Variants in STRIP1 observed in about 807,000 individuals in gnomAD.
STRIP1 encodes striatin interacting protein 1, also known as striatin-interacting protein 1.
A neutral mutation model predicts 106.2 loss-of-function variants in STRIP1; 63 were observed. The observed-to-expected ratio is 0.59, with a 90% CI of 0.48 to 0.73. The LOEUF (loss-of-function observed/expected upper bound fraction) is 0.73, where lower values mean the gene tolerates loss of function less well. Ranked by LOEUF, STRIP1 falls within the 30% of genes least tolerant of loss-of-function variation. STRIP1 has a pLI of 0.00. For synonymous variants in STRIP1, 390 were observed against 413.0 expected (o/e 0.94, Z 0.67); for missense variants, 857 against 1,074.8 (o/e 0.80, Z 2.83).
chr1:110,039,637 G>A, intron 5 of STRIP1, 122 bp downstream of exon 5: 6 of 1,239,226 alleles, frequency 4.8e-6, no homozygotes, highest in Non-Finnish European at 6.8e-6. Context: ...CCCAGGCTGT[G>A]TTCTGACCAC....
Position 110,046,762 on chromosome 1 carries a change from G to A in STRIP1, c.1488+11G>A. ...TCCCCTCTCTCAGGGGTAAGTTGGAGGTCCTCAGTCCGGGCGCGGTGGCTC... is the reference window on the plus strand; with the variant it reads ...TCCCCTCTCTCAGGGGTAAGTTGGAAGTCCTCAGTCCGGGCGCGGTGGCTC... On this transcript the variant is annotated intron_variant, in intron 13 of 20. Transcript: ENST00000369795. 1 of 1,608,556 alleles carries A rather than the reference G, an allele frequency of 6.2e-7. No individual in the cohort carries two copies. The highest frequency in any genetic ancestry group is 8.5e-7 in the Non-Finnish European group (1 of 1,175,998).
intron 1 of STRIP1, among the ~76,000 whole-genome samples, chr1:110,035,525 C>G (rs908093123): frequency 2.0e-5 from 3 of 152,120 alleles, no homozygotes; most frequent in African/African-American, 4.8e-5. Context: ...GTGAGCCGTT[C>G]CTGCCGTTCT....
At position 110,037,991 on chromosome 1, in the gene STRIP1, G is replaced by A. The variant is rs202208185; in HGVS notation, c.250+31G>A. ...GCACAGACCTTTGTGTTATTTGGGG[G>A]TGGTTTTTTCCTTATTGGTCTTTAA... is the stretch of plus-strand genomic sequence containing the variant. On this transcript the variant is annotated intron_variant, in intron 2 of 20. Transcript: ENST00000369795. 7 of 1,526,240 alleles carry A rather than the reference G, an allele frequency of 4.6e-6. No individual in the cohort carries two copies. In the East Asian group the frequency reaches 1.4e-4, roughly 30 times the overall value. The allele number at this position is 1,526,240 out of a possible 1,614,324, so 94.5% of individuals were successfully genotyped here.
At position 110,046,160 on chromosome 1, in the gene STRIP1, C is replaced by T. The variant is rs138735889; in HGVS notation, c.1417-520C>T. Among the ~76,000 whole-genome samples, 37 of 152,230 alleles carry T rather than the reference C, an allele frequency of 2.4e-4. No homozygotes were observed. The East Asian group carries it at 6.6e-3, about 27-fold the overall frequency. On this transcript the variant is annotated intron_variant, in intron 12 of 20. Coordinates refer to ENST00000369795, the MANE Select transcript of STRIP1 (RefSeq NM_033088.4). ...CTTTAATTTACTTTTTTCTTATCTA[C>T]CATGGGCTTCTTACTGTAGTTGCAA...
In STRIP1 at chr1:110,047,443, C is replaced by T. The variant is rs182710457; in HGVS notation, c.1489-99C>T. On this transcript the variant is annotated intron_variant, in intron 13 of 20. Coordinates refer to ENST00000369795, the MANE Select transcript of STRIP1 (RefSeq NM_033088.4). ...TTATCATCATTAACATCATTATGTACATCACTGTTTACAGGTTTTCCTCCA... is the reference window on the plus strand; with the variant it reads ...TTATCATCATTAACATCATTATGTATATCACTGTTTACAGGTTTTCCTCCA... 11 of 850,520 alleles carry T rather than the reference C, an allele frequency of 1.3e-5. No individual in the cohort carries two copies. The African/African-American group carries it at 1.7e-4, about 13-fold the overall frequency. The allele number at this position is 850,520 out of a possible 1,614,324, so 52.7% of individuals were successfully genotyped here. A position where few individuals can be genotyped will look rare whatever the true frequency, so the allele number is the denominator to read the frequency against.
Position 110,050,997 on chromosome 1 carries a change from T to C in STRIP1, c.1998T>C (p.Phe666=), listed in dbSNP as rs779094858. 1 of 1,613,920 alleles carries C rather than the reference T, an allele frequency of 6.2e-7. No individual in the cohort carries two copies. Among genetic ancestry groups the C allele is most frequent in the African/African-American group, 1.3e-5 (1 of 74,938 alleles). The change falls in exon 19 of 21, where the codon TTT becomes TTC. Residue 666 remains phenylalanine, a synonymous_variant. Transcript: ENST00000369795. The part of the protein sequence containing the change: ...DSNQFCWRNL[F]SCINLLRILN... ...ACCAATTTTGCTGGAGGAACCTCTT[T>C]TCTTGTATCAATCTGCTTCGGATCT...
At chr1:110,047,007 G>T (rs908482743) in intron 13 of STRIP1, among the ~76,000 whole-genome samples, 1 of 152,080 alleles carries the variant, frequency 6.6e-6, no homozygotes, top group Admixed American at 6.5e-5. Flanking sequence ...CCGAGATAGC[G>T]CCACTGCACT....
intron 12 of STRIP1, chr1:110,045,279 A>T (rs76101357): frequency 8.8e-6 from 5 of 566,778 alleles, no homozygotes; most frequent in Non-Finnish European, 1.3e-5. Flanking sequence ...GTTTTAGCTG[A>T]GCTTTTGTTT....
rs150890431 is a variant in STRIP1 at position 110,052,583 on chromosome 1, C to G, written c.2266+696C>G. ...CCCCCAGGTTTAAGCGATTCTCCCC[C>G]CTCAGCCTCCCAAGTAGCTGGGACT... is the stretch of plus-strand genomic sequence containing the variant. On this transcript the variant is annotated intron_variant, in intron 20 of 20. Transcript: ENST00000369795. Among the ~76,000 whole-genome samples, 259 of 152,258 alleles carry G rather than the reference C, an allele frequency of 1.7e-3. 3 individuals carry two copies. The East Asian group carries it at 0.043, about 25-fold the overall frequency.
At position 110,039,196 on chromosome 1, in the gene STRIP1, T is replaced by C. The variant is rs143256444; in HGVS notation, c.350T>C (p.Leu117Pro). ...IHVTDKKWTE[L>P]DTNQHRTHAM... ...GTGACAGACAAGAAGTGGACTGAGCTGGATACCAACCAGCACCGGACCCAT... is the reference window on the plus strand; with the variant it reads ...GTGACAGACAAGAAGTGGACTGAGCCGGATACCAACCAGCACCGGACCCAT... Residue 117 changes from leucine (L) to proline (P), a missense_variant, in exon 4 of 21, where the codon CTG (leucine) becomes CCG (proline). Transcript: ENST00000369795. 5.6e-6 allele frequency: 9 copies of C among 1,614,180 alleles called. No homozygotes were observed. The highest frequency in any genetic ancestry group is 6.8e-6 in the Non-Finnish European group (8 of 1,180,024).
At chr1:110,051,973 C>A (rs1046666144) in intron 20 of STRIP1, 86 bp downstream of exon 20, 4 of 1,376,972 alleles carry the variant, frequency 2.9e-6, no homozygotes, top group East Asian at 2.4e-5. Flanking sequence ...TACTCAGGTA[C>A]TTCTCTGCCC....
rs142869318 is a variant in STRIP1 at position 110,049,333 on chromosome 1, C to T, written c.1788+95C>T. On this transcript the variant is annotated intron_variant, in intron 16 of 20. Coordinates refer to ENST00000369795, the MANE Select transcript of STRIP1 (RefSeq NM_033088.4). ...AGAACGGGGGCCTTGGCCTTTGACC[C>T]ACTTGAACTCTGCATGAATGTTCTA... 361 of 1,583,200 alleles carry T rather than the reference C, an allele frequency of 2.3e-4. No homozygotes were observed. The East Asian group carries it at 7.7e-3, about 34-fold the overall frequency.
rs1242126009 is a variant in STRIP1 at position 110,042,985 on chromosome 1, A to G, written c.886-103A>G. 2.5e-6 allele frequency: 3 copies of G among 1,181,806 alleles called. No homozygotes were observed. In the East Asian group the frequency reaches 7.7e-5, roughly 30 times the overall value. The allele number at this position is 1,181,806 out of a possible 1,614,324, so 73.2% of individuals were successfully genotyped here. A position where few individuals can be genotyped will look rare whatever the true frequency, so the allele number is the denominator to read the frequency against. The stretch of plus-strand genomic sequence containing the variant: ...AGGAGTTGCCTGGGTCTCTATAAAG[A>G]CATGGGTCATGATGTCATGAATGTT... On this transcript the variant is annotated intron_variant, in intron 8 of 20. Coordinates refer to ENST00000369795, the MANE Select transcript of STRIP1 (RefSeq NM_033088.4).
intron 1 of STRIP1, among the ~76,000 whole-genome samples, chr1:110,036,152 C>T (rs1184749316): frequency 4.6e-5 from 7 of 152,142 alleles, no homozygotes; most frequent in Admixed American, 6.5e-5. Context: ...CTCTTTGTAC[C>T]CTTTAATTTC....
In STRIP1 at chr1:110,047,879, A is replaced by T. The variant is rs1317556561; in HGVS notation, c.1661+10A>T. Reference sequence around the variant, plus strand: ...TGCCTGAGGAGATGCCGTGAGTATCATTCTGTGAATGAAGCAGGTGGGGCA... The same window carrying T: ...TGCCTGAGGAGATGCCGTGAGTATCTTTCTGTGAATGAAGCAGGTGGGGCA... On this transcript the variant is annotated intron_variant, in intron 15 of 20. Transcript: ENST00000369795. 2 of 1,549,750 alleles carry T rather than the reference A, an allele frequency of 1.3e-6. No homozygotes were observed. Among genetic ancestry groups the T allele is most frequent in the Admixed American group, 2.0e-5 (1 of 51,214 alleles).
At chr1:110,042,578 G>C (rs1313593429) in intron 8 of STRIP1, among the ~76,000 whole-genome samples, 1 of 152,264 alleles carries the variant, frequency 6.6e-6, no homozygotes, top group Non-Finnish European at 1.5e-5. Flanking sequence ...GCTAAGGCTA[G>C]AGAGGAAAGC....
Position 110,045,087 on chromosome 1 carries a change from C to CT in STRIP1, c.1416+12dup. 1 of 1,613,756 alleles carries CT rather than the reference C, an allele frequency of 6.2e-7. No individual in the cohort carries two copies. Among genetic ancestry groups the CT allele is most frequent in the East Asian group, 2.2e-5 (1 of 44,888 alleles). On this transcript the variant is annotated intron_variant, in intron 12 of 20. Coordinates refer to ENST00000369795, the MANE Select transcript of STRIP1 (RefSeq NM_033088.4). ...TCAAGACTCTGAAACAGGTGAGTGG[C>CT]TTTGGGTGAGCTTTTGGCTTGTTTG...
rs142485792 is a variant in STRIP1 at position 110,053,815 on chromosome 1, G to A, written c.2417G>A (p.Arg806Gln). Residue 806 changes from arginine to glutamine, a missense_variant, in exon 21 of 21, where the codon CGG becomes CAG. Around this residue, in one of 2 missense-constraint regions of STRIP1, gnomAD observed 750 missense variants for 989.8 expected, o/e 0.76. Coordinates refer to ENST00000369795, the MANE Select transcript of STRIP1 (RefSeq NM_033088.4). ...TGCCTGCAGAGTGTCCTGGGCCAACGGGTGGACCTCCCTGAGGACTTTCAG... is the reference window on the plus strand; with the variant it reads ...TGCCTGCAGAGTGTCCTGGGCCAACAGGTGGACCTCCCTGAGGACTTTCAG... ...DNCLQSVLGQ[R>Q]VDLPEDFQMN... is the part of the protein sequence containing the mutation. 8.7e-6 allele frequency: 14 copies of A among 1,614,160 alleles called. No individual in the cohort carries two copies. In the East Asian group the frequency reaches 1.1e-4, roughly 13 times the overall value.
chr1:110,040,485 G>T lies in STRIP1; in HGVS notation c.582-150G>T, dbSNP rs1009007805. 6 of 674,662 alleles carry T rather than the reference G, an allele frequency of 8.9e-6. No homozygotes were observed. In the Admixed American group the frequency reaches 2.0e-4, roughly 22 times the overall value. 41.8% of individuals were successfully genotyped at this position (674,662 alleles called of 1,614,324 possible). A position where few individuals can be genotyped will look rare whatever the true frequency, so the allele number is the denominator to read the frequency against. On this transcript the variant is annotated intron_variant, in intron 5 of 20. Transcript: ENST00000369795. Reference sequence around the variant, plus strand: ...GCATGAGCCACCATGCCCAGCCATGGTCTGGTTTCTTAACCACCGTGTCCT... The same window carrying T: ...GCATGAGCCACCATGCCCAGCCATGTTCTGGTTTCTTAACCACCGTGTCCT...
Sources: allele counts gnomAD v4.1 joint callset (sites outside exome capture counted in the v4.1 genomes callset), GRCh38; gene constraint gnomAD v4.1.1; regional missense constraint gnomAD v4.1.1; transcripts MANE v1.5; gene names NCBI Gene and HGNC (gene_info 2026-07-23, HGNC 2026-07-21).